The following PIAS4 variants were observed in gnomAD, a reference collection of about 807,000 sequenced individuals.
PIAS4 encodes the protein E3 SUMO-protein ligase PIAS4.
In PIAS4, 7 loss-of-function variants were observed where a neutral mutation model predicts 58.0. That is an observed-to-expected ratio of 0.12 (90% CI 0.07 to 0.23). PIAS4 has a LOEUF of 0.23. Among genes scored for constraint, PIAS4 ranks in the 10% least tolerant of loss-of-function variants. PIAS4 has a pLI of 1.00. For synonymous variants in PIAS4, 364 were observed against 312.4 expected (o/e 1.17, Z -1.74); for missense variants, 550 against 709.5 (o/e 0.78, Z 2.55).
chr19:4,009,619 G>A (rs185320360), intron 1 of PIAS4, among the ~76,000 whole-genome samples: 4 of 151,294 alleles, frequency 2.6e-5, no homozygotes, highest in African/African-American at 7.3e-5. Flanking sequence ...TCTCTAAACC[G>A]TGAGCCTCCA....
At chr19:4,034,832 C>T (rs1379263479) in intron 9 of PIAS4, among the ~76,000 whole-genome samples, 2 of 152,152 alleles carry the variant, frequency 1.3e-5, no homozygotes, top group African/African-American at 4.8e-5. Context: ...AGGAGGGGTC[C>T]TTGGTTCATA....
intron 2 of PIAS4, among the ~76,000 whole-genome samples, chr19:4,014,694 C>T (rs2040033742): frequency 1.3e-5 from 2 of 152,270 alleles, no homozygotes; most frequent in Non-Finnish European, 2.9e-5. Flanking sequence ...ATGCCCCCTC[C>T]CACCCTGCTG....
At chr19:4,010,903 G>C (rs1049339895) in intron 1 of PIAS4, among the ~76,000 whole-genome samples, 1 of 152,228 alleles carries the variant, frequency 6.6e-6, no homozygotes, top group Non-Finnish European at 1.5e-5. Context: ...CCGCCTGCAC[G>C]TGTGTCCCTG....
chr19:4,023,937 C>T, intron 2 of PIAS4, 99 bp from the exon 3 acceptor site: 1 of 825,478 alleles, frequency 1.2e-6, no homozygotes, highest in Non-Finnish European at 2.1e-6. Context: ...TTCCCATTTC[C>T]TGTTTCCTGG....
At chr19:4,036,099 TACAAACACACACAC>T (rs2040279504) in intron 9 of PIAS4, among the ~76,000 whole-genome samples, 1 of 37,762 alleles carries the variant, frequency 2.6e-5, no homozygotes, top group Non-Finnish European at 5.1e-5. Context: ...CACACCGTCA[TACAAACACACACAC>T]ATCTATACAG....
chr19:4,016,867 C>T (rs2040057922), intron 2 of PIAS4, among the ~76,000 whole-genome samples: 1 of 152,136 alleles, frequency 6.6e-6, no homozygotes, highest in Non-Finnish European at 1.5e-5. Context: ...GCGGCAGAGG[C>T]TGGAACCCGA....
In PIAS4 at chr19:4,037,698, G is replaced by T; in HGVS notation, c.1356G>T (p.Pro452=). ...GALGSTGGGG[P]VGSMENGKPG... ...TGGGCAGCACGGGTGGCGGCGGCCC[G>T]GTGGGCAGCATGGAGAATGGGAAGC... Residue 452 remains proline (P), a synonymous_variant, in exon 11 of 11, where the codon CCG becomes CCT. Coordinates refer to ENST00000262971, the MANE Select transcript of PIAS4 (RefSeq NM_015897.4). This position sits in a 1 kb window ranked among gnomAD's most constrained non-coding sequence, Gnocchi z 5.8. 3.7e-6 allele frequency: 6 copies of T among 1,611,826 alleles called. No individual in the cohort carries two copies. The highest frequency in any genetic ancestry group is 4.2e-6 in the Non-Finnish European group (5 of 1,179,556).
At chr19:4,035,886 C>T (rs2040272323) in intron 9 of PIAS4, among the ~76,000 whole-genome samples, 2 of 127,414 alleles carry the variant, frequency 1.6e-5, no homozygotes, top group Non-Finnish European at 3.4e-5. Flanking sequence ...CACACACCCG[C>T]ACACATCCAT....
At position 4,038,061 on chromosome 19, in the gene PIAS4, G is replaced by C; in HGVS notation, c.*186G>C. ...TCCTATCGGGGGATTAAAAAAAAAAGTAAAATGACAAAAAAAGATACAAAA... is the reference window on the plus strand; with the variant it reads ...TCCTATCGGGGGATTAAAAAAAAAACTAAAATGACAAAAAAAGATACAAAA... On this transcript the variant is annotated 3_prime_UTR_variant, in exon 11 of 11. Coordinates refer to ENST00000262971, the MANE Select transcript of PIAS4 (RefSeq NM_015897.4). The surrounding 1 kb of genome is among the most constrained non-coding windows in gnomAD (Gnocchi z 4.1). 1.8e-6 allele frequency: 1 copy of C among 546,400 alleles called. No homozygotes were observed. Among genetic ancestry groups the C allele is most frequent in the Non-Finnish European group, 3.1e-6 (1 of 324,948 alleles). The allele number at this position is 546,400 out of a possible 1,614,324, so 33.8% of individuals were successfully genotyped here.
intron 2 of PIAS4, among the ~76,000 whole-genome samples, chr19:4,019,468 T>TG (rs370400718): frequency 8.3e-4 from 126 of 152,326 alleles, no homozygotes; most frequent in Admixed American, 2.4e-3. Context: ...GTGGCTCCCT[T>TG]GCTGCCTGCT....
At chr19:4,018,838 A>G (rs1275399928) in intron 2 of PIAS4, 1 of 152,320 alleles carries the variant, frequency 6.6e-6, no homozygotes, top group African/African-American at 2.4e-5. Flanking sequence ...ATATAGGGCC[A>G]TGAGGCTGGT....
intron 5 of PIAS4, 40 bp from the exon 6 acceptor site, chr19:4,028,680 C>A (rs907445330): frequency 6.2e-7 from 1 of 1,603,084 alleles, no homozygotes; most frequent in African/African-American, 1.3e-5. Flanking sequence ...GATTTCCCAG[C>A]CGCTCTTGGC....
chr19:4,037,617 C>T lies in PIAS4; in HGVS notation c.1275C>T (p.Gly425=). 1 of 1,609,954 alleles carries T rather than the reference C, an allele frequency of 6.2e-7. No homozygotes were observed. Among genetic ancestry groups the T allele is most frequent in the Non-Finnish European group, 8.5e-7 (1 of 1,179,776 alleles). Residue 425 remains glycine (G), a splice_region_variant and synonymous_variant, in exon 11 of 11, where the codon GGC becomes GGT. Coordinates refer to ENST00000262971, the MANE Select transcript of PIAS4 (RefSeq NM_015897.4). This position sits in a 1 kb window ranked among gnomAD's most constrained non-coding sequence, Gnocchi z 5.8. Reference sequence around the variant, plus strand: ...GCACCCTGTCCCTGTTGCCCGTAGGCCCCTCGGACGCCAATGGGCTCCTGC... The same window carrying T: ...GCACCCTGTCCCTGTTGCCCGTAGGTCCCTCGGACGCCAATGGGCTCCTGC... ...CSPQGAILVL[G]PSDANGLLPA... is the part of the protein sequence containing the mutation.
intron 7 of PIAS4, among the ~76,000 whole-genome samples, chr19:4,030,666 C>T (rs2040214756): frequency 6.6e-6 from 1 of 152,040 alleles, no homozygotes; most frequent in African/African-American, 2.4e-5. Context: ...TCAGTCCTCA[C>T]CCCAAGCAGC....
intron 3 of PIAS4, among the ~76,000 whole-genome samples, chr19:4,024,906 C>T (rs888535235): frequency 6.6e-6 from 1 of 152,284 alleles, no homozygotes; most frequent in South Asian, 2.1e-4. Context: ...GCTGGGATTA[C>T]AGGCGCTCAC....
Position 4,033,662 on chromosome 19 carries a change from A to G in PIAS4, c.1142+82A>G, listed in dbSNP as rs1029280508. On this transcript the variant is annotated intron_variant, in intron 9 of 10. Transcript: ENST00000262971. ...TGGCACCCCGCTTCCTGCAGACCAC[A>G]TGGTGCCCCAGCAAGACACAGCAGT... 6.7e-6 allele frequency: 8 copies of G among 1,185,468 alleles called. No individual in the cohort carries two copies. In the African/African-American group the frequency reaches 9.1e-5, roughly 13 times the overall value. The allele number at this position is 1,185,468 out of a possible 1,614,324, so 73.4% of individuals were successfully genotyped here.
intron 1 of PIAS4, among the ~76,000 whole-genome samples, chr19:4,008,875 A>G (rs1301148246): frequency 6.6e-6 from 1 of 150,818 alleles, no homozygotes; most frequent in Non-Finnish European, 1.5e-5. Flanking sequence ...TGATCTCTGG[A>G]GGGTCCCCAC....
chr19:4,011,432 GCC>G (rs2039990873), intron 1 of PIAS4, among the ~76,000 whole-genome samples: 1 of 152,236 alleles, frequency 6.6e-6, no homozygotes, highest in African/African-American at 2.4e-5. Flanking sequence ...TCAGGCCACT[GCC>G]AGTCTACCCC....
Position 4,028,272 on chromosome 19 carries a change from C to G in PIAS4, c.581+85C>G. 3 of 1,141,642 alleles carry G rather than the reference C, an allele frequency of 2.6e-6. No homozygotes were observed. The South Asian group carries it at 3.9e-5, about 15-fold the overall frequency. The allele number at this position is 1,141,642 out of a possible 1,614,324, so 70.7% of individuals were successfully genotyped here. A position where few individuals can be genotyped will look rare whatever the true frequency, so the allele number is the denominator to read the frequency against. On this transcript the variant is annotated intron_variant, in intron 4 of 10. Transcript: ENST00000262971. ...CCCCCCAGTCCTGGCCCAGGCCCTT[C>G]TCAGTCTCCCCTGCTAACAGCAGAG...
Sources: allele counts gnomAD v4.1 joint callset (sites outside exome capture counted in the v4.1 genomes callset), GRCh38; gene constraint gnomAD v4.1.1; non-coding constraint Gnocchi (gnomAD v3.1); transcripts MANE v1.5; gene names NCBI Gene and HGNC (gene_info 2026-07-23, HGNC 2026-07-21).